Variants in IL18RAP observed in about 807,000 individuals in gnomAD.
IL18RAP encodes interleukin 18 receptor accessory protein.
A neutral mutation model predicts 58.1 loss-of-function variants in IL18RAP; 37 were observed. That is an observed-to-expected ratio of 0.64 (90% CI 0.49 to 0.84). IL18RAP has a LOEUF of 0.84. Ranked by LOEUF, IL18RAP falls within the 40% of genes least tolerant of loss-of-function variation. The pLI is 0.00. For synonymous variants in IL18RAP, 268 were observed against 257.5 expected, an observed-to-expected ratio of 1.04 and a Z score of -0.39; for missense variants, 667 against 704.8, an observed-to-expected ratio of 0.95 and a Z score of 0.61.
intron 3 of IL18RAP, among the ~76,000 whole-genome samples, chr2:102,436,772 A>G (rs1216454969): frequency 1.3e-5 from 2 of 150,378 alleles, no homozygotes; most frequent in Non-Finnish European, 1.5e-5. Flanking sequence ...TATATACAAT[A>G]TATGTTATAT....
upstream of IL18RAP, chr2:102,423,019 A>G (rs908583592): frequency 3.7e-5 from 19 of 512,350 alleles, no homozygotes; most frequent in Non-Finnish European, 6.3e-5. Flanking sequence ...AAGAAATGAC[A>G]CAAGTGAAAA....
chr2:102,428,906 A>G (rs1433617914), intron 3 of IL18RAP, among the ~76,000 whole-genome samples: 1 of 151,892 alleles, frequency 6.6e-6, no homozygotes, highest in Non-Finnish European at 1.5e-5. Flanking sequence ...GGTTTTTATC[A>G]TGAAGGGTGT....
At chr2:102,429,312 T>C (rs1573270097) in intron 3 of IL18RAP, among the ~76,000 whole-genome samples, 1 of 152,112 alleles carries the variant, frequency 6.6e-6, no homozygotes, top group East Asian at 1.9e-4. Flanking sequence ...GTTGTATGTG[T>C]CTAGGAATAT....
upstream of IL18RAP, among the ~76,000 whole-genome samples, chr2:102,419,109 TA>T (rs1490687795): frequency 6.6e-6 from 1 of 152,206 alleles, no homozygotes; most frequent in Non-Finnish European, 1.5e-5. Flanking sequence ...CATCTCCATA[TA>T]TACGGAGTCT....
intron 7 of IL18RAP, among the ~76,000 whole-genome samples, chr2:102,445,727 T>A (rs1040583646): frequency 6.6e-6 from 1 of 152,102 alleles, no homozygotes; most frequent in Non-Finnish European, 1.5e-5. Context: ...CCAAAGGACA[T>A]GATGGATTCA....
Position 102,423,960 on chromosome 2 carries a change from A to G in IL18RAP, c.220A>G (p.Met74Val), listed in dbSNP as rs772226393. ...PKQVPEHLPF[M>V]GSNDLSDVQW... The stretch of plus-strand genomic sequence containing the variant: ...ACAAGTCCCTGAGCACCTGCCCTTC[A>G]TGGGTAGTAACGACCTATCTGATGT... Residue 74 changes from methionine (M) to valine (V), a missense_variant, in exon 2 of 10, where the codon ATG becomes GTG. Coordinates refer to ENST00000687160, the MANE Select transcript of IL18RAP (RefSeq NM_001393487.1). 24 of 1,613,968 alleles carry G rather than the reference A, an allele frequency of 1.5e-5. No homozygotes were observed. The highest frequency in any genetic ancestry group is 4.5e-5 in the East Asian group (2 of 44,892).
chr2:102,441,084 C>T (rs901244678), intron 4 of IL18RAP, among the ~76,000 whole-genome samples: 2 of 152,132 alleles, frequency 1.3e-5, no homozygotes, highest in African/African-American at 2.4e-5. Flanking sequence ...AGATATGGAT[C>T]AATTAACAAC....
chr2:102,428,143 A>G (rs1682085251), intron 3 of IL18RAP, among the ~76,000 whole-genome samples: 1 of 151,814 alleles, frequency 6.6e-6, no homozygotes, highest in African/African-American at 2.4e-5. Context: ...TGAACCATCT[A>G]GCTTTGTTCT....
At chr2:102,440,627 C>T (rs11677107) in intron 4 of IL18RAP, among the ~76,000 whole-genome samples, 1 of 151,024 alleles carries the variant, frequency 6.6e-6, no homozygotes, top group South Asian at 2.1e-4. Flanking sequence ...CCAGAGAAAG[C>T]GAGAGAGAGA....
chr2:102,436,805 A>ATG (rs138894381), intron 3 of IL18RAP, among the ~76,000 whole-genome samples: 58,530 of 143,288 alleles, frequency 0.41, 12,149 homozygotes, highest in African/African-American at 0.53. Flanking sequence ...ATGTATATAT[A>ATG]TGTGTGTGTG....
At chr2:102,440,978 C>T (rs931200119) in intron 4 of IL18RAP, among the ~76,000 whole-genome samples, 1 of 152,150 alleles carries the variant, frequency 6.6e-6, no homozygotes, top group African/African-American at 2.4e-5. Context: ...ATTACTCAGC[C>T]AGATGGCACC....
rs551502782 is a variant in IL18RAP at position 102,434,051 on chromosome 2, C to T, written c.580-3161C>T. ...GAAGAAGATAATTTAGATTATATTT[C>T]TCAAAACTGTTTCTAGGGTTGAAAC... On this transcript the variant is annotated intron_variant, in intron 3 of 9. Coordinates refer to ENST00000687160, the MANE Select transcript of IL18RAP (RefSeq NM_001393487.1). 3.9e-5 allele frequency: 6 copies of T among 152,332 alleles called. No homozygotes were observed. In the East Asian group the frequency reaches 9.6e-4, roughly 24 times the overall value. The allele number at this position is 152,332 out of a possible 1,614,324, so 9.4% of individuals were successfully genotyped here.
At chr2:102,443,584 T>C (rs1404243955) in intron 6 of IL18RAP, among the ~76,000 whole-genome samples, 1 of 152,156 alleles carries the variant, frequency 6.6e-6, no homozygotes, top group African/African-American at 2.4e-5. Flanking sequence ...CCAGACTGCT[T>C]GGAGATAAGT....
At chr2:102,425,058 A>G (rs1029048407) in intron 3 of IL18RAP, among the ~76,000 whole-genome samples, 10 of 152,200 alleles carry the variant, frequency 6.6e-5, no homozygotes, top group Non-Finnish European at 1.3e-4. Context: ...GTGCTAGCAG[A>G]TGATGAAATG....
At chr2:102,447,028 C>T (rs1403186565) in intron 7 of IL18RAP, 42 bp from the exon 8 acceptor site, 1 of 1,601,466 alleles carries the variant, frequency 6.2e-7, no homozygotes, top group South Asian at 1.1e-5. Context: ...TGGTCCAATC[C>T]CGCTGCCTCT....
In IL18RAP at chr2:102,441,329, A is replaced by G; in HGVS notation, c.748A>G (p.Lys250Glu). The G allele has an allele frequency of 1.9e-6, 3 of 1,613,354 alleles. No homozygotes were observed. Among genetic ancestry groups the G allele is most frequent in the Non-Finnish European group, 2.5e-6 (3 of 1,179,444 alleles). Residue 250 changes from lysine to glutamate, a missense_variant, in exon 5 of 10, where the codon AAA becomes GAA. Coordinates refer to ENST00000687160, the MANE Select transcript of IL18RAP (RefSeq NM_001393487.1). ...TCTTTCAGTGGGAGACACTAAACTC[A>G]AACCAGATATTCTGGATCCTGTCGA... ...VRTIVGDTKL[K>E]PDILDPVEDT...
chr2:102,447,735 T>C (rs897483559), intron 8 of IL18RAP, among the ~76,000 whole-genome samples: 4 of 152,058 alleles, frequency 2.6e-5, no homozygotes, highest in Non-Finnish European at 5.9e-5. Flanking sequence ...TGTATTTATT[T>C]ATTTATTTAT....
At chr2:102,451,421 A>T (rs11465735) in intron 9 of IL18RAP, among the ~76,000 whole-genome samples, 180 of 152,328 alleles carry the variant, frequency 1.2e-3, no homozygotes, top group Middle Eastern at 3.4e-3. Context: ...CACCCTGAGA[A>T]GTCCAGATCT....
chr2:102,425,672 CTTG>C (rs761726179), intron 3 of IL18RAP, among the ~76,000 whole-genome samples: 2 of 151,960 alleles, frequency 1.3e-5, no homozygotes, highest in African/African-American at 2.4e-5. Flanking sequence ...TGGCAGCTGT[CTTG>C]TTGTCTTGGT....
Sources: gnomAD v4.1 joint callset for allele counts (sites outside exome capture counted in the v4.1 genomes callset) on GRCh38, gnomAD v4.1.1 for gene constraint, MANE v1.5 for transcripts, NCBI Gene and HGNC (gene_info 2026-07-23, HGNC 2026-07-21) for gene names.